ARHGEF38: variants seen among roughly 807,000 people sequenced by gnomAD.
ARHGEF38 encodes Rho guanine nucleotide exchange factor (GEF) 38.
In ARHGEF38, 79 loss-of-function variants were observed where a neutral mutation model predicts 79.9. The ratio of observed to expected loss-of-function variants is 0.99; its 90% CI spans 0.82 to 1.19. The LOEUF is 1.19. Ranked by LOEUF, ARHGEF38 falls within the 50% of genes most tolerant of loss-of-function variation. The pLI is 0.00. For synonymous variants in ARHGEF38, 366 were observed against 328.3 expected, an observed-to-expected ratio of 1.11 and a Z score of -1.24; for missense variants, 962 against 907.2, an observed-to-expected ratio of 1.06 and a Z score of -0.78.
chr4:105,596,059 A>G (rs1018902232), intron 2 of ARHGEF38, among the ~76,000 whole-genome samples: 1 of 152,196 alleles, frequency 6.6e-6, no homozygotes, highest in Admixed American at 6.5e-5. Context: ...TTTGATGTTC[A>G]TGCTCTCTCT....
chr4:105,612,026 T>C (rs756655401), intron 2 of ARHGEF38, among the ~76,000 whole-genome samples: 3 of 152,086 alleles, frequency 2.0e-5, no homozygotes, highest in Non-Finnish European at 2.9e-5. Flanking sequence ...GTCACCACAT[T>C]TTGAAAAGGT....
intron 13 of ARHGEF38, among the ~76,000 whole-genome samples, chr4:105,675,294 C>T (rs931940763): frequency 6.6e-6 from 1 of 152,152 alleles, no homozygotes. Flanking sequence ...AAATATGTTT[C>T]TTCTGTAAGA....
intron 2 of ARHGEF38, among the ~76,000 whole-genome samples, chr4:105,600,617 T>G (rs1727780656): frequency 6.6e-6 from 1 of 152,210 alleles, no homozygotes; most frequent in Admixed American, 6.6e-5. Context: ...TTGGCAAATT[T>G]TTATCTCCAG....
intron 1 of ARHGEF38, among the ~76,000 whole-genome samples, chr4:105,581,757 T>G (rs1486973585): frequency 6.6e-6 from 1 of 152,214 alleles, no homozygotes; most frequent in Non-Finnish European, 1.5e-5. Flanking sequence ...TTTTTATATC[T>G]CTAATAATTT....
At chr4:105,667,061 A>G in intron 11 of ARHGEF38, 68 bp from the exon 12 acceptor site, 3 of 1,317,468 alleles carry the variant, frequency 2.3e-6, no homozygotes, top group Non-Finnish European at 3.0e-6. Context: ...GGGAAAAAAT[A>G]TTTACCAACT....
intron 4 of ARHGEF38, among the ~76,000 whole-genome samples, chr4:105,635,626 A>G (rs925945776): frequency 6.6e-6 from 1 of 152,094 alleles, no homozygotes; most frequent in African/African-American, 2.4e-5. Flanking sequence ...CGCACAAAGC[A>G]TATCTGGCAA....
rs1444743038 is a variant in ARHGEF38 at position 105,667,297 on chromosome 4, A to G, written c.1858A>G (p.Ser620Gly). ...AVIEQKDPLG[S>G]TSRWLVDTGN... ...GATAGAACAGAAAGATCCACTGGGG[A>G]GTACAAGCAGGTGGCTTGTGGACAC... Residue 620 changes from serine to glycine, a missense_variant, in exon 12 of 14, where the codon AGT (serine) becomes GGT (glycine). Coordinates refer to ENST00000420470, the MANE Select transcript of ARHGEF38 (RefSeq NM_001242729.2). 1 of 1,536,044 alleles carries G rather than the reference A, an allele frequency of 6.5e-7. No individual in the cohort carries two copies. Among genetic ancestry groups the G allele is most frequent in the African/African-American group, 1.4e-5 (1 of 73,046 alleles).
chr4:105,552,678 C>CT lies in ARHGEF38; in HGVS notation c.-88_-87insT. 9.1e-7 allele frequency: 1 copy of CT among 1,099,602 alleles called. No individual in the cohort carries two copies. The highest frequency in any genetic ancestry group is 1.3e-6 in the Non-Finnish European group (1 of 774,656). The allele number at this position is 1,099,602 out of a possible 1,614,324, so 68.1% of individuals were successfully genotyped here. On this transcript the variant is annotated 5_prime_UTR_variant, in exon 1 of 14. Coordinates refer to ENST00000420470, the MANE Select transcript of ARHGEF38 (RefSeq NM_001242729.2). ...TTAGTTAGAAGGGAGCAGATAAACT[C>CT]GTCACTCTAGTAGCTTTAACCCTCA...
At chr4:105,627,562 C>T (rs1016236235) in intron 3 of ARHGEF38, among the ~76,000 whole-genome samples, 6 of 152,082 alleles carry the variant, frequency 3.9e-5, no homozygotes, top group Middle Eastern at 3.4e-3. Flanking sequence ...CTTTGCATGG[C>T]GATTGCTTTT....
chr4:105,579,751 G>C (rs1297696993), intron 1 of ARHGEF38, among the ~76,000 whole-genome samples: 2 of 152,166 alleles, frequency 1.3e-5, no homozygotes, highest in African/African-American at 4.8e-5. Flanking sequence ...CTCATAGCAG[G>C]AGTTGGGGAG....
intron 6 of ARHGEF38, among the ~76,000 whole-genome samples, chr4:105,646,020 G>T (rs1729825904): frequency 6.6e-6 from 1 of 152,168 alleles, no homozygotes; most frequent in African/African-American, 2.4e-5. Flanking sequence ...AATGCATTGA[G>T]CTAGGCTGTG....
Position 105,558,606 on chromosome 4 carries a change from G to A in ARHGEF38, c.196+5645G>A, listed in dbSNP as rs376070608. 4.1e-4 allele frequency among the ~76,000 whole-genome samples: 62 copies of A among 152,190 alleles called. 1 individual carries two copies. In the South Asian group the frequency reaches 0.012, roughly 29 times the overall value. On this transcript the variant is annotated intron_variant, in intron 1 of 13. Transcript: ENST00000420470. ...TATATAGAAACCAGTGTAAAACACGGTATTTTACTTTCCTATTTTTTTCAG... is the reference window on the plus strand; with the variant it reads ...TATATAGAAACCAGTGTAAAACACGATATTTTACTTTCCTATTTTTTTCAG...
At chr4:105,610,381 T>C (rs902480808) in intron 2 of ARHGEF38, among the ~76,000 whole-genome samples, 3 of 152,098 alleles carry the variant, frequency 2.0e-5, no homozygotes, top group African/African-American at 7.2e-5. Flanking sequence ...GTTTTGTAAG[T>C]CTGAATTATT....
chr4:105,553,252 C>T (rs537621324), intron 1 of ARHGEF38, among the ~76,000 whole-genome samples: 1 of 151,196 alleles, frequency 6.6e-6, no homozygotes, highest in Non-Finnish European at 1.5e-5. Flanking sequence ...CTCTTTTCTT[C>T]TCCCTTCTCT....
At chr4:105,595,495 C>T (rs949318532) in intron 2 of ARHGEF38, among the ~76,000 whole-genome samples, 1 of 151,902 alleles carries the variant, frequency 6.6e-6, no homozygotes, top group African/African-American at 2.4e-5. Flanking sequence ...AAAATAATCA[C>T]CTGTAGTCTT....
chr4:105,591,327 C>G (rs989938083), intron 2 of ARHGEF38, among the ~76,000 whole-genome samples: 2 of 152,178 alleles, frequency 1.3e-5, no homozygotes, highest in African/African-American at 4.8e-5. Context: ...CTCCCGGGTT[C>G]ATGCCATTCT....
At chr4:105,648,981 A>G (rs1729977573) in intron 7 of ARHGEF38, among the ~76,000 whole-genome samples, 1 of 152,132 alleles carries the variant, frequency 6.6e-6, no homozygotes, top group African/African-American at 2.4e-5. Context: ...AGGTTGCCCC[A>G]GGAGTCCTGA....
At chr4:105,611,738 T>A (rs1197161695) in intron 2 of ARHGEF38, among the ~76,000 whole-genome samples, 1 of 152,090 alleles carries the variant, frequency 6.6e-6, no homozygotes, top group African/African-American at 2.4e-5. Context: ...GAATATTTTG[T>A]GACACTGGAT....
chr4:105,559,318 G>A (rs376867178), intron 1 of ARHGEF38, among the ~76,000 whole-genome samples: 2 of 152,120 alleles, frequency 1.3e-5, no homozygotes, highest in Non-Finnish European at 2.9e-5. Flanking sequence ...TGCTTGGACC[G>A]CTTCTTATCC....
Sources: gnomAD v4.1 joint callset for allele counts (sites outside exome capture counted in the v4.1 genomes callset) on GRCh38, gnomAD v4.1.1 for gene constraint, MANE v1.5 for transcripts, NCBI Gene and HGNC (gene_info 2026-07-23, HGNC 2026-07-21) for gene names.